The following PCNX1 variants were observed in gnomAD, a reference collection of about 807,000 sequenced individuals.
PCNX1 encodes pecanex 1.
A neutral mutation model predicts 242.2 loss-of-function variants in PCNX1; 78 were observed. That is an observed-to-expected ratio of 0.32 (90% CI 0.27 to 0.39). The LOEUF (loss-of-function observed/expected upper bound fraction) is 0.39. PCNX1 is among the 10% of genes least tolerant of loss of function. The probability of loss-of-function intolerance (pLI) is 1.00; values close to 1 mark genes in which losing one functional copy is unlikely to be tolerated. For synonymous variants in PCNX1, 1,024 were observed against 1,032.9 expected (o/e 0.99, Z 0.17); for missense variants, 2,581 against 2,856.5 (o/e 0.90, Z 2.20).
At chr14:70,998,383 C>T (rs542414483) in intron 8 of PCNX1, among the ~76,000 whole-genome samples, 1 of 151,992 alleles carries the variant, frequency 6.6e-6, no homozygotes, top group South Asian at 2.1e-4. Context: ...GTACTTGTAT[C>T]ATCTGTATTC....
chr14:71,099,405 G>C (rs558249581), intron 30 of PCNX1, among the ~76,000 whole-genome samples: 1 of 152,280 alleles, frequency 6.6e-6, no homozygotes, highest in East Asian at 1.9e-4. Flanking sequence ...TGATCCACCT[G>C]CCTTGGCTTC....
chr14:70,973,651 T>C (rs1476800894), intron 5 of PCNX1, among the ~76,000 whole-genome samples: 1 of 152,076 alleles, frequency 6.6e-6, no homozygotes, highest in Non-Finnish European at 1.5e-5. Context: ...TTTTGTAAGA[T>C]GTTGTAAGAG....
In PCNX1 at chr14:71,052,237, G is replaced by A. The variant is rs1313784879; in HGVS notation, c.4577+225G>A. 2.7e-5 allele frequency among the ~76,000 whole-genome samples: 4 copies of A among 150,500 alleles called. 1 individual carries two copies. In the South Asian group the frequency reaches 6.3e-4, roughly 24 times the overall value. On this transcript the variant is annotated intron_variant, in intron 24 of 35. Coordinates refer to ENST00000304743, the MANE Select transcript of PCNX1 (RefSeq NM_014982.3). ...CTTTCCTTTTTTTTTTTTCATACAG[G>A]GTCTCATTCTGTTGCCCAGGCTGGA...
intron 3 of PCNX1, 104 bp downstream of exon 3, chr14:70,962,435 GATT>G: frequency 3.1e-6 from 2 of 637,706 alleles, no homozygotes; most frequent in Non-Finnish European, 5.7e-6. Context: ...ATATCTTTCT[GATT>G]ATTATTTTTA....
Position 71,057,657 on chromosome 14 carries a change from A to G in PCNX1, c.4785A>G (p.Ala1595=), listed in dbSNP as rs1373576021. The change falls in exon 26 of 36, where the codon GCA becomes GCG. Residue 1595 remains alanine, a synonymous_variant. Coordinates refer to ENST00000304743, the MANE Select transcript of PCNX1 (RefSeq NM_014982.3). The part of the protein sequence containing the change: ...CFILASDYLN[A]LVHLIEIGNG... ...TCCTTGCCTCTGACTATCTCAATGC[A>G]TTAGTACACCTTATAGAGATAGGCA... The G allele has an allele frequency of 6.2e-7, 1 of 1,613,974 alleles. No individual in the cohort carries two copies. The highest frequency in any genetic ancestry group is 2.2e-5 in the East Asian group (1 of 44,868).
chr14:70,978,773 C>A, intron 6 of PCNX1, 125 bp downstream of exon 6: 1 of 863,312 alleles, frequency 1.2e-6, no homozygotes, highest in Non-Finnish European at 1.7e-6. Flanking sequence ...TTAAAATAAG[C>A]TTTCTTGAAT....
chr14:71,009,922 A>G (rs1472400410), intron 9 of PCNX1, 198 bp downstream of exon 9: 11 of 407,682 alleles, frequency 2.7e-5, no homozygotes, highest in Non-Finnish European at 1.3e-5. Context: ...TAATTGAGCT[A>G]AAATTAACAT....
intron 8 of PCNX1, among the ~76,000 whole-genome samples, chr14:70,998,765 A>C (rs1351882717): frequency 6.6e-6 from 1 of 151,420 alleles, no homozygotes; most frequent in Non-Finnish European, 1.5e-5. Context: ...AAAAAAAAAA[A>C]AAAAAAAGAA....
chr14:70,978,800 A>G (rs558007248), intron 6 of PCNX1, 152 bp downstream of exon 6: 1 of 727,280 alleles, frequency 1.4e-6, no homozygotes, highest in East Asian at 2.9e-5. Context: ...GTAGGTGATT[A>G]TCTTAGAAAA....
At chr14:70,910,949 A>C (rs2055876278) in intron 1 of PCNX1, among the ~76,000 whole-genome samples, 2 of 152,224 alleles carry the variant, frequency 1.3e-5, no homozygotes, top group South Asian at 2.1e-4. Context: ...TCTTATAGTC[A>C]GGGGATGAAC....
intron 1 of PCNX1, among the ~76,000 whole-genome samples, chr14:70,929,471 A>G (rs1405894935): frequency 1.3e-5 from 2 of 152,222 alleles, no homozygotes; most frequent in African/African-American, 4.8e-5. Context: ...GTTTGTAGCA[A>G]CATGACTTGA....
intron 12 of PCNX1, 126 bp from the exon 13 acceptor site, chr14:71,023,074 T>A (rs1487214954): frequency 2.8e-6 from 2 of 724,434 alleles, no homozygotes; most frequent in East Asian, 2.5e-5. Context: ...AACAGAATTA[T>A]TAATATAGGT....
intron 26 of PCNX1, among the ~76,000 whole-genome samples, chr14:71,064,652 G>C (rs1200629418): frequency 6.6e-6 from 1 of 152,092 alleles, no homozygotes; most frequent in Non-Finnish European, 1.5e-5. Flanking sequence ...AAGTTCTGGG[G>C]TACATGTGCA....
intron 8 of PCNX1, among the ~76,000 whole-genome samples, chr14:70,997,810 A>G (rs560657630): frequency 1.3e-5 from 2 of 152,346 alleles, no homozygotes; most frequent in South Asian, 2.1e-4. Context: ...TAGAGAAGCT[A>G]GAATAGTTTT....
intron 28 of PCNX1, among the ~76,000 whole-genome samples, chr14:71,087,163 CTT>C (rs1187490965): frequency 6.6e-6 from 1 of 152,154 alleles, no homozygotes; most frequent in Non-Finnish European, 1.5e-5. Flanking sequence ...CACCCACTCT[CTT>C]TTATTTTTCT....
intron 12 of PCNX1, among the ~76,000 whole-genome samples, chr14:71,020,928 A>T (rs2060083518): frequency 6.6e-6 from 1 of 151,878 alleles, no homozygotes; most frequent in Admixed American, 6.6e-5. Flanking sequence ...ATCTTGAGTT[A>T]ATTTTTGTAT....
intron 18 of PCNX1, among the ~76,000 whole-genome samples, chr14:71,034,479 G>T (rs1271033033): frequency 6.6e-6 from 1 of 152,140 alleles, no homozygotes; most frequent in Non-Finnish European, 1.5e-5. Context: ...AACTGTGTGT[G>T]TATTCTAGGC....
intron 33 of PCNX1, 72 bp from the exon 34 acceptor site, chr14:71,108,532 A>G: frequency 8.0e-7 from 1 of 1,255,974 alleles, no homozygotes; most frequent in Admixed American, 2.2e-5. Flanking sequence ...AAAAAGTCTT[A>G]GAAACTGCAA....
intron 30 of PCNX1, among the ~76,000 whole-genome samples, chr14:71,100,619 A>G (rs940406841): frequency 7.2e-5 from 11 of 152,116 alleles, no homozygotes; most frequent in African/African-American, 2.4e-4. Context: ...GATTTCTTGT[A>G]TCTGGATGTC....
Sources: allele counts gnomAD v4.1 joint callset (sites outside exome capture counted in the v4.1 genomes callset), GRCh38; gene constraint gnomAD v4.1.1; transcripts MANE v1.5; gene names NCBI Gene and HGNC (gene_info 2026-07-23, HGNC 2026-07-21).